Variants in CUL7 observed in about 807,000 individuals in gnomAD.
The protein encoded by CUL7 is cullin 7, also known as cullin-7.
In CUL7, 96 loss-of-function variants were observed where a neutral mutation model predicts 177.7. That is an observed-to-expected ratio of 0.54 (90% CI 0.46 to 0.64). The LOEUF is 0.64. CUL7 is among the 30% of genes least tolerant of loss of function. CUL7 has a pLI of 0.00. For missense variants in CUL7, 1,893 were observed against 2,187.9 expected, an observed-to-expected ratio of 0.87 and a Z score of 2.69; for synonymous variants, 824 against 890.2, an observed-to-expected ratio of 0.93 and a Z score of 1.32.
chr6:43,043,354 G>T lies in CUL7; in HGVS notation c.3355+94C>A. The T allele has an allele frequency of 7.5e-7, 1 of 1,339,834 alleles. No homozygotes were observed. Among genetic ancestry groups the T allele is most frequent in the Non-Finnish European group, 1.1e-6 (1 of 936,706 alleles). The allele number at this position is 1,339,834 out of a possible 1,614,324, so 83.0% of individuals were successfully genotyped here. On this transcript the variant is annotated intron_variant, in intron 17 of 25. Coordinates refer to ENST00000265348, the MANE Select transcript of CUL7 (RefSeq NM_014780.5). This position sits in a 1 kb window ranked among gnomAD's most constrained non-coding sequence, Gnocchi z 4.2. ...GAACAGGCTGAGCCCATAGGGAGGG[G>T]AAGGATGGGGATGGACAGAAGCCTG...
Position 43,039,012 on chromosome 6 carries a change from C to G in CUL7, c.4295-25G>C, listed in dbSNP as rs201252688. On this transcript the variant is annotated intron_variant, in intron 22 of 25. Transcript: ENST00000265348. ...CCTGGACCAGGAAGGGGGAGGGAGA[C>G]AAAGAGCAGGTGAAAGGAGGGAGTT... is the stretch of plus-strand genomic sequence containing the variant. The G allele has an allele frequency of 4.0e-5, 63 of 1,557,146 alleles. No homozygotes were observed. The East Asian group carries it at 1.4e-3, about 35-fold the overall frequency.
rs963671055 is a variant in CUL7 at position 43,043,395 on chromosome 6, G to C, written c.3355+53C>G. Reference sequence around the variant, plus strand: ...CAGAAGCCTGTGGTGTACACATGGGGCCCAGGAAAACGCTCCTGACTAGAG... The same window carrying C: ...CAGAAGCCTGTGGTGTACACATGGGCCCCAGGAAAACGCTCCTGACTAGAG... On this transcript the variant is annotated intron_variant, in intron 17 of 25. Transcript: ENST00000265348. The surrounding 1 kb of genome is among the most constrained non-coding windows in gnomAD (Gnocchi z 4.2). The C allele has an allele frequency of 3.2e-6, 5 of 1,556,574 alleles. No homozygotes were observed. The African/African-American group carries it at 6.8e-5, about 21-fold the overall frequency.
In CUL7 at chr6:43,046,220, T is replaced by C. The variant is rs750065787; in HGVS notation, c.2660+16A>G. ...AAGCACACGTGTGTGGCAAAGCACA[T>C]GTGTGGGAGAGTTACCTGATGAGGA... On this transcript the variant is annotated intron_variant, in intron 12 of 25. Coordinates refer to ENST00000265348, the MANE Select transcript of CUL7 (RefSeq NM_014780.5). The C allele has an allele frequency of 6.2e-7, 1 of 1,613,936 alleles. No homozygotes were observed. The highest frequency in any genetic ancestry group is 8.5e-7 in the Non-Finnish European group (1 of 1,179,984).
In CUL7 at chr6:43,045,729, A is replaced by G; in HGVS notation, c.2767-47T>C. On this transcript the variant is annotated intron_variant, in intron 13 of 25. Transcript: ENST00000265348. This position sits in a 1 kb window ranked among gnomAD's most constrained non-coding sequence, Gnocchi z 4.8. ...TGTCACCTCCACACATGCAGAGCCA[A>G]GTTGGCTCTAGGCTCCAGTCCCCTC... The G allele has an allele frequency of 6.3e-7, 1 of 1,594,236 alleles. No homozygotes were observed. Among genetic ancestry groups the G allele is most frequent in the Non-Finnish European group, 8.6e-7 (1 of 1,162,166 alleles).
intron 22 of CUL7, among the ~76,000 whole-genome samples, chr6:43,039,735 CTTTTTTTTT>C (rs763879172): frequency 1.1e-5 from 1 of 94,856 alleles, no homozygotes; most frequent in East Asian, 3.2e-4. Context: ...AAGACCAACT[CTTTTTTTTT>C]TTTTTTTTTT....
rs1377468931 is a variant in CUL7, at chr6:43,043,145, C to T, written c.3391G>A (p.Ala1131Thr). ...ATGCTGCTTGGAAGGCCCCGGGTAG[C>T]CAAGGAGCTCCAGTCGTGGCTTCTG... ...RNRSHDWSSL[A>T]TRGLPSSIMR... The change falls in exon 18 of 26, where the codon GCT (alanine) becomes ACT (threonine). Residue 1131 changes from alanine to threonine, a missense_variant. Coordinates refer to ENST00000265348, the MANE Select transcript of CUL7 (RefSeq NM_014780.5). This position sits in a 1 kb window ranked among gnomAD's most constrained non-coding sequence, Gnocchi z 4.2. 1.2e-6 allele frequency: 2 copies of T among 1,613,950 alleles called. No individual in the cohort carries two copies. Among genetic ancestry groups the T allele is most frequent in the African/African-American group, 2.7e-5 (2 of 74,888 alleles).
rs1764099375 is a variant in CUL7, at chr6:43,048,343, C to T, written c.2052G>A (p.Leu684=). The stretch of plus-strand genomic sequence containing the variant: ...CACCATGCTCTCACCTCAGCACAGT[C>T]AGGTGCAGGGTCCTGTTAGTCTCCG... The part of the protein sequence containing the change: ...DTPETNRTLH[L]TVLRILKQLV... Residue 684 remains leucine (L), a synonymous_variant, in exon 8 of 26, where the codon CTG becomes CTA. Transcript: ENST00000265348. 1 of 1,610,074 alleles carries T rather than the reference C, an allele frequency of 6.2e-7. No individual in the cohort carries two copies. Among genetic ancestry groups the T allele is most frequent in the African/African-American group, 1.3e-5 (1 of 74,990 alleles).
Position 43,045,900 on chromosome 6 carries a change from A to G in CUL7, c.2766+86T>C. 1 of 1,206,160 alleles carries G rather than the reference A, an allele frequency of 8.3e-7. No homozygotes were observed. The highest frequency in any genetic ancestry group is 1.2e-6 in the Non-Finnish European group (1 of 823,092). 74.7% of individuals were successfully genotyped at this position (1,206,160 alleles called of 1,614,324 possible). On this transcript the variant is annotated intron_variant, in intron 13 of 25. Coordinates refer to ENST00000265348, the MANE Select transcript of CUL7 (RefSeq NM_014780.5). The surrounding 1 kb of genome is among the most constrained non-coding windows in gnomAD (Gnocchi z 4.8). The stretch of plus-strand genomic sequence containing the variant: ...GTGGGGCTCAAGACAGGTGGGAGTT[A>G]GAAAAAAGTAGGATAGGGCCAGATA...
Position 43,052,899 on chromosome 6 carries a change from G to T in CUL7, c.-8-103C>A. 1 of 1,266,408 alleles carries T rather than the reference G, an allele frequency of 7.9e-7. No homozygotes were observed. The highest frequency in any genetic ancestry group is 1.1e-6 in the Non-Finnish European group (1 of 902,984). The allele number at this position is 1,266,408 out of a possible 1,614,324, so 78.4% of individuals were successfully genotyped here. On this transcript the variant is annotated intron_variant, in intron 1 of 25. Transcript: ENST00000265348. The surrounding 1 kb of genome is among the most constrained non-coding windows in gnomAD (Gnocchi z 4.5). ...GGAAGCAAATGGCAACAGCTGTCAGGCGGGGTGGGGTAAAGCCAGGCCCAG... is the reference window on the plus strand; with the variant it reads ...GGAAGCAAATGGCAACAGCTGTCAGTCGGGGTGGGGTAAAGCCAGGCCCAG...
At chr6:43,042,503 G>A (rs1379203613) in intron 19 of CUL7, among the ~76,000 whole-genome samples, 2 of 152,126 alleles carry the variant, frequency 1.3e-5, no homozygotes, top group Non-Finnish European at 2.9e-5. Flanking sequence ...ACCATGCCTG[G>A]CTAATTTTTG....
intron 6 of CUL7, 38 bp from the exon 7 acceptor site, chr6:43,049,700 G>A: frequency 5.0e-6 from 8 of 1,611,964 alleles, no homozygotes; most frequent in Non-Finnish European, 6.8e-6. Context: ...AGACAGCCCT[G>A]CCGACCCAGA....
In CUL7 at chr6:43,051,236, C is replaced by T. The variant is rs1228101334; in HGVS notation, c.965G>A (p.Ser322Asn). 2 of 1,613,910 alleles carry T rather than the reference C, an allele frequency of 1.2e-6. No individual in the cohort carries two copies. Among genetic ancestry groups the T allele is most frequent in the Non-Finnish European group, 1.7e-6 (2 of 1,179,936 alleles). The change falls in exon 4 of 26, where the codon AGC (serine) becomes AAC (asparagine). Residue 322 changes from serine (S) to asparagine (N), a missense_variant. Physicochemically the swap from Ser to Asn is conservative, Grantham distance 46 (BLOSUM62 1). This residue lies in a region of CUL7 where 653 missense variants were observed against 725.2 expected (regional missense o/e 0.90). Transcript: ENST00000265348. This position sits in a 1 kb window ranked among gnomAD's most constrained non-coding sequence, Gnocchi z 5.0. ...RWDQASDRPRSSARSPGSIFQ... is the reference protein window; with the variant it reads ...RWDQASDRPRNSARSPGSIFQ... ...GATGGAACCGGGGGACCGTGCTGAGCTCCTTGGTCTGTCTGAGGCCTGGTC... is the reference window on the plus strand; with the variant it reads ...GATGGAACCGGGGGACCGTGCTGAGTTCCTTGGTCTGTCTGAGGCCTGGTC...
Position 43,050,884 on chromosome 6 carries a change from C to T in CUL7, c.1233+84G>A. 1.3e-6 allele frequency: 2 copies of T among 1,548,216 alleles called. No individual in the cohort carries two copies. The highest frequency in any genetic ancestry group is 2.7e-5 in the African/African-American group (2 of 73,566). On this transcript the variant is annotated intron_variant, in intron 4 of 25. Coordinates refer to ENST00000265348, the MANE Select transcript of CUL7 (RefSeq NM_014780.5). The surrounding 1 kb of genome is among the most constrained non-coding windows in gnomAD (Gnocchi z 4.1). Reference sequence around the variant, plus strand: ...TAAAGCTTTCTCTTTGGGTGGCCTGCTGGAGCCCCCCCATATAGAAGTCCC... The same window carrying T: ...TAAAGCTTTCTCTTTGGGTGGCCTGTTGGAGCCCCCCCATATAGAAGTCCC...
chr6:43,049,948 C>T lies in CUL7; in HGVS notation c.1569+15G>A. On this transcript the variant is annotated intron_variant, in intron 6 of 25. Transcript: ENST00000265348. ...AGAGCCCTCCAACCTCTGAGTGTCTCCAGGCTGGCTCTACCTCCCCATCTA... is the reference window on the plus strand; with the variant it reads ...AGAGCCCTCCAACCTCTGAGTGTCTTCAGGCTGGCTCTACCTCCCCATCTA... The T allele has an allele frequency of 6.2e-7, 1 of 1,611,740 alleles. No homozygotes were observed. Among genetic ancestry groups the T allele is most frequent in the Non-Finnish European group, 8.5e-7 (1 of 1,178,220 alleles).
rs1764313779 is a variant in CUL7, at chr6:43,050,597, C to T, written c.1234-199G>A. Among the ~76,000 whole-genome samples, 1 of 138,468 alleles carries T rather than the reference C, an allele frequency of 7.2e-6. No homozygotes were observed. Among genetic ancestry groups the T allele is most frequent in the African/African-American group, 3.0e-5 (1 of 33,452 alleles). 90.8% of individuals were successfully genotyped at this position (138,468 alleles called of 152,430 possible). A position where few individuals can be genotyped will look rare whatever the true frequency, so the allele number is the denominator to read the frequency against. ...ACACACACACACACACACACACACA[C>T]ACACACACAGGATGCCTTCTCCTTT... On this transcript the variant is annotated intron_variant, in intron 4 of 25. Transcript: ENST00000265348. This position sits in a 1 kb window ranked among gnomAD's most constrained non-coding sequence, Gnocchi z 4.1.
rs374438135 is a variant in CUL7 at position 43,051,360 on chromosome 6, C to T, written c.841G>A (p.Ala281Thr). The T allele has an allele frequency of 2.7e-5, 44 of 1,613,618 alleles. No individual in the cohort carries two copies. Among genetic ancestry groups the T allele is most frequent in the Non-Finnish European group, 3.3e-5 (39 of 1,179,742 alleles). The change falls in exon 4 of 26, where the codon GCT becomes ACT. Residue 281 changes from alanine to threonine, a missense_variant. Coordinates refer to ENST00000265348, the MANE Select transcript of CUL7 (RefSeq NM_014780.5). This position sits in a 1 kb window ranked among gnomAD's most constrained non-coding sequence, Gnocchi z 5.0. ...AAEPGAQNTSAPEELSGERGQ... is the reference protein window; with the variant it reads ...AAEPGAQNTSTPEELSGERGQ... ...CTCTCCCCACTCAACTCCTCAGGAG[C>T]AGAGGTGTTCTGGGCTCCTGGCTCC... is the stretch of plus-strand genomic sequence containing the variant.
intron 7 of CUL7, 134 bp downstream of exon 7, chr6:43,049,273 G>C (rs1418079936): frequency 8.7e-7 from 1 of 1,143,246 alleles, no homozygotes; most frequent in Non-Finnish European, 1.3e-6. Flanking sequence ...TTCTCCGTTT[G>C]TTGCTTCTCT....
Position 43,040,560 on chromosome 6 carries a change from CAGG to C in CUL7, c.3990_3992del (p.Leu1331del), listed in dbSNP as rs1561874567. ...TTTTCTTCTCTGTATCCTCCAGCTT[CAGG>C]AGTTCCTGATCCAGCTGCTGGAGCT... On this transcript the variant is annotated inframe_deletion, in exon 21 of 26. Coordinates refer to ENST00000265348, the MANE Select transcript of CUL7 (RefSeq NM_014780.5). The surrounding 1 kb of genome is among the most constrained non-coding windows in gnomAD (Gnocchi z 4.2). 1.2e-6 allele frequency: 2 copies of C among 1,614,040 alleles called. No individual in the cohort carries two copies. The highest frequency in any genetic ancestry group is 1.7e-6 in the Non-Finnish European group (2 of 1,180,004).
chr6:43,049,827 A>C (rs537035476), intron 6 of CUL7, 136 bp downstream of exon 6: 65 of 1,339,202 alleles, frequency 4.9e-5, no homozygotes, highest in Admixed American at 6.8e-5. Context: ...CACCTCTGAA[A>C]ATTCCAGACC....
Sources: allele counts gnomAD v4.1 joint callset (sites outside exome capture counted in the v4.1 genomes callset), GRCh38; gene constraint gnomAD v4.1.1; regional missense constraint gnomAD v4.1.1; non-coding constraint Gnocchi (gnomAD v3.1); transcripts MANE v1.5; gene names NCBI Gene and HGNC (gene_info 2026-07-23, HGNC 2026-07-21).